Variants in DIO2 observed in about 807,000 individuals in gnomAD.
The protein encoded by DIO2 is iodothyronine deiodinase 2.
A neutral mutation model predicts 21.4 loss-of-function variants in DIO2; 19 were observed. The observed-to-expected ratio is 0.89, with a 90% CI of 0.62 to 1.30. The LOEUF (loss-of-function observed/expected upper bound fraction) is 1.30, where lower values mean the gene tolerates loss of function less well. DIO2 is among the 50% of genes most tolerant of loss of function. DIO2 has a pLI of 0.00. For synonymous variants in DIO2, 122 were observed against 132.9 expected, an observed-to-expected ratio of 0.92 and a Z score of 0.57; for missense variants, 302 against 338.1, an observed-to-expected ratio of 0.89 and a Z score of 0.84.
chr14:80,205,536 T>C, intron 1 of DIO2: 3 of 1,135,602 alleles, frequency 2.6e-6, no homozygotes, highest in Non-Finnish European at 3.4e-6. Context: ...GATCCTTTCA[T>C]TATGTCTGAT....
At chr14:80,205,222 G>C (rs894300668) in intron 1 of DIO2, among the ~76,000 whole-genome samples, 5 of 152,034 alleles carry the variant, frequency 3.3e-5, no homozygotes, top group African/African-American at 1.2e-4. Flanking sequence ...GATCTAGGTA[G>C]TGGGTAGCAG....
At chr14:80,221,193 A>G (rs375891433) in intron 2 of DIO2, among the ~76,000 whole-genome samples, 1 of 152,218 alleles carries the variant, frequency 6.6e-6, no homozygotes, top group Admixed American at 6.5e-5. Flanking sequence ...TGGTCTTCCC[A>G]GAACATCTAC....
chr14:80,206,362 T>G, intron 1 of DIO2: 1 of 1,363,398 alleles, frequency 7.3e-7, no homozygotes. Flanking sequence ...AAAAAACTTT[T>G]TTTAGATATG....
chr14:80,209,124 T>C (rs1888065258), intron 1 of DIO2, among the ~76,000 whole-genome samples: 2 of 152,162 alleles, frequency 1.3e-5, no homozygotes, highest in Non-Finnish European at 1.5e-5. Flanking sequence ...TGGAACACTA[T>C]ACATTGGTGA....
chr14:80,212,123 ACT>A (rs898542780), upstream of DIO2: 5 of 141,548 alleles, frequency 3.5e-5, no homozygotes, highest in African/African-American at 5.3e-5. Context: ...CTTTTTTCTC[ACT>A]CTCTGTCTTT....
At chr14:80,209,540 T>C (rs892064389) in intron 1 of DIO2, among the ~76,000 whole-genome samples, 2 of 152,162 alleles carry the variant, frequency 1.3e-5, no homozygotes, top group African/African-American at 4.8e-5. Flanking sequence ...TGCCTCCAAA[T>C]TGCCTTCCAC....
intron 1 of DIO2, among the ~76,000 whole-genome samples, chr14:80,204,532 GT>G (rs1358735598): frequency 2.6e-5 from 4 of 152,158 alleles, no homozygotes; most frequent in Non-Finnish European, 5.9e-5. Flanking sequence ...AATTACTTCA[GT>G]TTGAATTAAT....
At chr14:80,220,066 T>G (rs1350658798) in intron 2 of DIO2, among the ~76,000 whole-genome samples, 2 of 149,630 alleles carry the variant, frequency 1.3e-5, no homozygotes, top group Admixed American at 1.3e-4. Context: ...GTGTGTGTGT[T>G]TTGTTGTTGT....
At chr14:80,205,902 C>T (rs188922024) in intron 1 of DIO2, among the ~76,000 whole-genome samples, 151 of 152,204 alleles carry the variant, frequency 9.9e-4, no homozygotes, top group African/African-American at 3.6e-3. Context: ...AATGATAACC[C>T]TGACCTGCAA....
rs767607931 is a variant in DIO2, at chr14:80,203,261, A to G, written c.250T>C (p.Ser84Pro). 2 of 1,594,368 alleles carry G rather than the reference A, an allele frequency of 1.3e-6. No individual in the cohort carries two copies. The highest frequency in any genetic ancestry group is 1.7e-6 in the Non-Finnish European group (2 of 1,169,492). The change falls in exon 2 of 2, where the codon TCC (serine) becomes CCC (proline). Residue 84 changes from serine (S) to proline (P), a missense_variant. Physicochemically the swap from Ser to Pro is moderately conservative, Grantham distance 74. Coordinates refer to ENST00000438257, the MANE Select transcript of DIO2 (RefSeq NM_013989.5). ...QVKLGEDAPN[S>P]SVVHVSSTEG... ...GTACTGGAGACATGCACCACACTGG[A>G]ATTGGGGGCATCCTCACCCAATTTC... is the stretch of plus-strand genomic sequence containing the variant.
chr14:80,212,740 A>G (rs1888256127), upstream of DIO2, among the ~76,000 whole-genome samples: 1 of 152,104 alleles, frequency 6.6e-6, no homozygotes, highest in South Asian at 2.1e-4. Context: ...AATGAGTTGT[A>G]GGTGGAAAAC....
At chr14:80,206,198 T>C in intron 1 of DIO2, 2 of 1,270,336 alleles carry the variant, frequency 1.6e-6, no homozygotes, top group Non-Finnish European at 2.2e-6. Context: ...TTAATATTAT[T>C]AATAAAACTA....
At chr14:80,216,119 C>T (rs1888346098), upstream of DIO2, 1 of 152,240 alleles carries the variant, frequency 6.6e-6, no homozygotes, top group Admixed American at 6.5e-5. Context: ...CCCTCAGGAA[C>T]TGTTGCTTCT....
At position 80,199,759 on chromosome 14, in the gene DIO2, G is replaced by T. The variant is rs545073562; in HGVS notation, c.*2930C>A. On this transcript the variant is annotated 3_prime_UTR_variant, in exon 2 of 2. Transcript: ENST00000438257. ...TAGACAAGCTAATGAAGCTTAAAAGGCTAAACCGATAGCTCCATGTAAACA... is the reference window on the plus strand; with the variant it reads ...TAGACAAGCTAATGAAGCTTAAAAGTCTAAACCGATAGCTCCATGTAAACA... The T allele has an allele frequency of 6.4e-4, 97 of 152,652 alleles. No individual in the cohort carries two copies. The highest frequency in any genetic ancestry group is 2.2e-3 in the African/African-American group (93 of 41,536). The allele number at this position is 152,652 out of a possible 1,614,324, so 9.5% of individuals were successfully genotyped here. A position where few individuals can be genotyped will look rare whatever the true frequency, so the allele number is the denominator to read the frequency against.
exon 3 of DIO2, chr14:80,216,730 C>T (rs1888370883): frequency 6.6e-6 from 1 of 152,064 alleles, no homozygotes; most frequent in Non-Finnish European, 1.5e-5. Flanking sequence ...CTTCTTTCTC[C>T]CTAAATACTT....
At chr14:80,218,409 C>A (rs1203748712) in intron 2 of DIO2, among the ~76,000 whole-genome samples, 1 of 152,058 alleles carries the variant, frequency 6.6e-6, no homozygotes, top group Non-Finnish European at 1.5e-5. Context: ...TAATTATCAA[C>A]CTGAATCTTA....
chr14:80,222,564 G>T (rs1461468424), intron 2 of DIO2, among the ~76,000 whole-genome samples: 3 of 152,158 alleles, frequency 2.0e-5, no homozygotes, highest in African/African-American at 7.2e-5. Context: ...AGAAATATAA[G>T]TAACTTGAAA....
chr14:80,218,682 A>G (rs2140016258), intron 2 of DIO2, among the ~76,000 whole-genome samples: 1 of 152,308 alleles, frequency 6.6e-6, no homozygotes, highest in Middle Eastern at 3.4e-3. Flanking sequence ...AGCCTCAACA[A>G]AATGCAGTGT....
At chr14:80,219,414 G>A (rs1337345430) in intron 2 of DIO2, 1 of 151,950 alleles carries the variant, frequency 6.6e-6, no homozygotes, top group Non-Finnish European at 1.5e-5. Context: ...CATGGGATAT[G>A]TGAGAAAAGG....
Sources: gnomAD v4.1 joint callset for allele counts (sites outside exome capture counted in the v4.1 genomes callset) on GRCh38, gnomAD v4.1.1 for gene constraint, MANE v1.5 for transcripts, NCBI Gene and HGNC (gene_info 2026-07-23, HGNC 2026-07-21) for gene names.